PAX5: variants seen among roughly 807,000 people sequenced by gnomAD.
The protein encoded by PAX5 is paired box 5, also known as paired box protein Pax-5.
In PAX5, 9 loss-of-function variants were observed where a neutral mutation model predicts 43.7. The ratio of observed to expected loss-of-function variants is 0.21; its 90% CI spans 0.12 to 0.36. PAX5 has a LOEUF of 0.36. Among genes scored for constraint, PAX5 ranks in the 10% least tolerant of loss-of-function variants. The probability of loss-of-function intolerance (pLI) is 1.00; values close to 1 mark genes in which losing one functional copy is unlikely to be tolerated. For missense variants in PAX5, 383 were observed against 532.7 expected (o/e 0.72, Z 2.77); for synonymous variants, 228 against 214.3 (o/e 1.06, Z -0.56).
At chr9:36,997,473 A>T (rs183229120) in intron 5 of PAX5, among the ~76,000 whole-genome samples, 38 of 152,268 alleles carry the variant, frequency 2.5e-4, no homozygotes, top group African/African-American at 7.7e-4. Context: ...CTCACTAGAG[A>T]TCAAAAGCCC....
chr9:37,014,063 C>G (rs1028843131), intron 3 of PAX5, among the ~76,000 whole-genome samples: 2 of 152,170 alleles, frequency 1.3e-5, no homozygotes, highest in African/African-American at 2.4e-5. Flanking sequence ...TCAGGCTGCT[C>G]CCTTCTCTTT....
At chr9:36,942,257 G>A (rs936221622) in intron 6 of PAX5, among the ~76,000 whole-genome samples, 1 of 152,250 alleles carries the variant, frequency 6.6e-6, no homozygotes, top group African/African-American at 2.4e-5. Context: ...GGAAGCTGAA[G>A]GGGAAAGACT....
At chr9:37,029,953 T>C (rs1177487177) in intron 1 of PAX5, among the ~76,000 whole-genome samples, 6 of 152,172 alleles carry the variant, frequency 3.9e-5, no homozygotes, top group South Asian at 2.1e-4. Context: ...CCAGAGCCGC[T>C]CTCGGGATGG....
chr9:36,987,343 C>A lies in PAX5; in HGVS notation c.604+15305G>T, dbSNP rs574687974. ...CATTTTACAGATGGGGAAACCGACC[C>A]TTGGAGATGTTCAGAAATGTGTCCC... On this transcript the variant is annotated intron_variant, in intron 5 of 9. Coordinates refer to ENST00000358127, the MANE Select transcript of PAX5 (RefSeq NM_016734.3). 2.0e-5 allele frequency among the ~76,000 whole-genome samples: 3 copies of A among 152,306 alleles called. No homozygotes were observed. The South Asian group carries it at 6.2e-4, about 32-fold the overall frequency.
At chr9:36,875,732 G>A (rs2131729034) in intron 8 of PAX5, among the ~76,000 whole-genome samples, 1 of 152,212 alleles carries the variant, frequency 6.6e-6, no homozygotes, top group Admixed American at 6.5e-5. Flanking sequence ...AGGAAGGAGG[G>A]GCAGCCGGAT....
intron 5 of PAX5, among the ~76,000 whole-genome samples, chr9:36,997,527 G>A (rs1837492854): frequency 6.6e-6 from 1 of 152,192 alleles, no homozygotes; most frequent in African/African-American, 2.4e-5. Context: ...ACCCATGGCC[G>A]CTATTCACAG....
intron 9 of PAX5, among the ~76,000 whole-genome samples, chr9:36,841,535 G>A (rs1822052350): frequency 6.6e-6 from 1 of 152,198 alleles, no homozygotes; most frequent in South Asian, 2.1e-4. Flanking sequence ...TATGCTATGG[G>A]AAAGACTTCT....
intron 8 of PAX5, among the ~76,000 whole-genome samples, chr9:36,853,103 T>A (rs1823322765): frequency 1.3e-5 from 2 of 152,232 alleles, no homozygotes; most frequent in African/African-American, 4.8e-5. Flanking sequence ...TCGATCTTCA[T>A]CCCTCTAGCC....
chr9:36,973,078 C>T (rs71487714), intron 5 of PAX5, among the ~76,000 whole-genome samples: 4 of 21,522 alleles, frequency 1.9e-4, no homozygotes, highest in East Asian at 2.9e-3. Context: ...AGGAACGGAA[C>T]GGAACGGAAA....
chr9:36,941,022 GC>G (rs1177255719), intron 6 of PAX5, among the ~76,000 whole-genome samples: 1 of 152,250 alleles, frequency 6.6e-6, no homozygotes, highest in South Asian at 2.1e-4. Context: ...TAGAGCTGCT[GC>G]TGGTGAGCAA....
At chr9:36,975,635 T>C (rs1402518955) in intron 5 of PAX5, among the ~76,000 whole-genome samples, 1 of 152,186 alleles carries the variant, frequency 6.6e-6, no homozygotes, top group Admixed American at 6.5e-5. Flanking sequence ...TTCATCCACC[T>C]TGGGCCCCCA....
intron 6 of PAX5, chr9:36,931,004 G>A (rs987388401): frequency 1.5e-5 from 8 of 520,312 alleles, no homozygotes; most frequent in African/African-American, 5.8e-5. Context: ...CAGCACAAAA[G>A]AGGGCAGCGC....
At chr9:36,867,135 T>C (rs746460628) in intron 8 of PAX5, among the ~76,000 whole-genome samples, 2 of 151,890 alleles carry the variant, frequency 1.3e-5, no homozygotes, top group Non-Finnish European at 2.9e-5. Context: ...TTTCCAAATG[T>C]GTCTGGCTCG....
intron 6 of PAX5, among the ~76,000 whole-genome samples, chr9:36,924,765 A>AAGG (rs1830481516): frequency 2.1e-5 from 2 of 95,112 alleles, no homozygotes; most frequent in South Asian, 9.3e-4. Flanking sequence ...GGAAGGAAGG[A>AAGG]AGGAAGGAAG....
chr9:36,841,906 G>A (rs1469560742), intron 9 of PAX5, among the ~76,000 whole-genome samples: 1 of 152,178 alleles, frequency 6.6e-6, no homozygotes, highest in African/African-American at 2.4e-5. Context: ...TTGGCTTTTG[G>A]ATTAGGGAGA....
intron 7 of PAX5, among the ~76,000 whole-genome samples, chr9:36,919,945 T>A (rs1431010768): frequency 2.6e-5 from 4 of 150,946 alleles, no homozygotes; most frequent in Non-Finnish European, 2.9e-5. Context: ...TCAGCCCTCA[T>A]GGATGACTTT....
intron 6 of PAX5, 62 bp downstream of exon 6, chr9:36,966,487 A>G (rs1317141236): frequency 1.3e-6 from 2 of 1,564,158 alleles, no homozygotes; most frequent in Non-Finnish European, 1.7e-6. Context: ...CTCTGCCTTC[A>G]GGAACCTGGC....
At chr9:36,864,524 C>T (rs569867747) in intron 8 of PAX5, among the ~76,000 whole-genome samples, 1 of 152,358 alleles carries the variant, frequency 6.6e-6, no homozygotes, top group East Asian at 1.9e-4. Context: ...TCAGAACCCA[C>T]CAGCTGTGAG....
Position 36,923,304 on chromosome 9 carries a change from C to T in PAX5, c.910+51G>A, listed in dbSNP as rs186540605. ...AAGCCACTCTTCCCACCACACACTC[C>T]TATCTCTCTCTCTCTCCCTCACTCA... On this transcript the variant is annotated intron_variant, in intron 7 of 9. Transcript: ENST00000358127. The T allele has an allele frequency of 1.3e-4, 212 of 1,573,366 alleles. 1 individual carries two copies. In the African/African-American group the frequency reaches 1.8e-3, roughly 14 times the overall value.
Sources: gnomAD v4.1 joint callset for allele counts (sites outside exome capture counted in the v4.1 genomes callset) on GRCh38, gnomAD v4.1.1 for gene constraint, MANE v1.5 for transcripts, NCBI Gene and HGNC (gene_info 2026-07-23, HGNC 2026-07-21) for gene names.